SLIT3: variants seen among roughly 807,000 people sequenced by gnomAD.
SLIT3 encodes the protein slit guidance ligand 3.
SLIT3 carries 68 observed loss-of-function variants against 184.0 expected under a neutral mutation model. That is an observed-to-expected ratio of 0.37 (90% confidence interval 0.30 to 0.45). The LOEUF (loss-of-function observed/expected upper bound fraction) is 0.45, where lower values mean the gene tolerates loss of function less well. Ranked by LOEUF, SLIT3 falls within the 20% of genes least tolerant of loss-of-function variation. The pLI is 1.00. For synonymous variants in SLIT3, 831 were observed against 828.6 expected (o/e 1.00, Z -0.05); for missense variants, 1,707 against 2,026.0 (o/e 0.84, Z 3.02).
chr5:169,195,293 C>A (rs572968937), intron 3 of SLIT3, among the ~76,000 whole-genome samples: 2 of 151,992 alleles, frequency 1.3e-5, no homozygotes, highest in South Asian at 2.1e-4. Flanking sequence ...GAGGGATGAG[C>A]GACTAGAAGG....
chr5:169,081,089 G>C (rs1759022492), intron 4 of SLIT3, among the ~76,000 whole-genome samples: 2 of 152,182 alleles, frequency 1.3e-5, no homozygotes, highest in Admixed American at 6.5e-5. Context: ...TGGGGGAACA[G>C]GGAAGGACAG....
chr5:169,185,373 C>T (rs1489537820), intron 4 of SLIT3, among the ~76,000 whole-genome samples: 3 of 152,156 alleles, frequency 2.0e-5, no homozygotes, highest in East Asian at 3.9e-4. Flanking sequence ...CTTGCCGTCC[C>T]CCGGCCTCTG....
At chr5:168,733,942 T>C (rs1321452479) in intron 20 of SLIT3, among the ~76,000 whole-genome samples, 2 of 152,064 alleles carry the variant, frequency 1.3e-5, no homozygotes, top group African/African-American at 4.8e-5. Context: ...AAACAGAAAG[T>C]CAAATACTAT....
chr5:169,057,161 T>C (rs958343842), intron 4 of SLIT3, among the ~76,000 whole-genome samples: 1 of 152,202 alleles, frequency 6.6e-6, no homozygotes, highest in South Asian at 2.1e-4. Flanking sequence ...AGCTCCCACA[T>C]GTGACCTAGG....
intron 4 of SLIT3, among the ~76,000 whole-genome samples, chr5:169,140,308 CAAAAAAAAAAAAA>C (rs10536624): frequency 1.2e-4 from 5 of 42,048 alleles, no homozygotes; most frequent in Non-Finnish European, 1.8e-4. Flanking sequence ...ACTAAAAATG[CAAAAAAAAAAAAA>C]AAAAAAAAAA....
At chr5:168,982,233 T>C (rs890623070) in intron 4 of SLIT3, among the ~76,000 whole-genome samples, 4 of 152,220 alleles carry the variant, frequency 2.6e-5, no homozygotes, top group Non-Finnish European at 5.9e-5. Flanking sequence ...TGTGGCAGTA[T>C]GGAGAGATGG....
chr5:169,267,212 C>T (rs1197640714), intron 1 of SLIT3, among the ~76,000 whole-genome samples: 1 of 152,038 alleles, frequency 6.6e-6, no homozygotes, highest in Non-Finnish European at 1.5e-5. Flanking sequence ...CTGAGAAGTA[C>T]CAAATGAACA....
At position 168,755,397 on chromosome 5, in the gene SLIT3, C is replaced by CTTTCT. The variant is rs1561913264; in HGVS notation, c.1686-1395_1686-1391dup. The stretch of plus-strand genomic sequence containing the variant: ...AAACCCTCAGTGCCGCCATTTCTTT[C>CTTTCT]TTTCTTTCTTTCTTTCTTTCTTTCT... On this transcript the variant is annotated intron_variant, in intron 16 of 35. Transcript: ENST00000519560. Among the ~76,000 whole-genome samples, 4 of 14,798 alleles carry CTTTCT rather than the reference C, an allele frequency of 2.7e-4. No individual in the cohort carries two copies. In the African/African-American group the frequency reaches 3.3e-3, roughly 12 times the overall value. The allele number at this position is 14,798 out of a possible 152,430, so 9.7% of individuals were successfully genotyped here. A position where few individuals can be genotyped will look rare whatever the true frequency, so the allele number is the denominator to read the frequency against.
At chr5:168,820,656 C>T (rs1757500167) in intron 7 of SLIT3, among the ~76,000 whole-genome samples, 1 of 152,202 alleles carries the variant, frequency 6.6e-6, no homozygotes, top group South Asian at 2.1e-4. Flanking sequence ...ACCGAGGTGG[C>T]TAGGTGGGTC....
Position 168,817,281 on chromosome 5 carries a change from G to A in SLIT3, c.793+19C>T, listed in dbSNP as rs750260200. ...GTGGGTCATAGCACAGGAGGGGAGA[G>A]CAGGTAAAGCATCCTCACCTGGGCA... On this transcript the variant is annotated intron_variant, in intron 8 of 35. Coordinates refer to ENST00000519560, the MANE Select transcript of SLIT3 (RefSeq NM_003062.4). 5.6e-6 allele frequency: 9 copies of A among 1,611,234 alleles called. No individual in the cohort carries two copies. Among genetic ancestry groups the A allele is most frequent in the African/African-American group, 1.3e-5 (1 of 74,966 alleles).
chr5:169,229,909 T>C (rs1764940019), intron 3 of SLIT3, among the ~76,000 whole-genome samples: 1 of 152,084 alleles, frequency 6.6e-6, no homozygotes, highest in African/African-American at 2.4e-5. Flanking sequence ...AAATTCGAGG[T>C]GCCGAAGATC....
intron 4 of SLIT3, among the ~76,000 whole-genome samples, chr5:169,126,233 A>G (rs571074831): frequency 2.6e-5 from 4 of 152,272 alleles, no homozygotes; most frequent in Non-Finnish European, 5.9e-5. Context: ...TAGACATCCT[A>G]TTTATGTTCT....
At chr5:168,858,196 G>A (rs907227785) in intron 5 of SLIT3, among the ~76,000 whole-genome samples, 5 of 152,226 alleles carry the variant, frequency 3.3e-5, no homozygotes, top group Non-Finnish European at 7.3e-5. Flanking sequence ...CTCTGAAGGA[G>A]GAAGAGGAGA....
At chr5:169,164,930 C>A (rs1762587098) in intron 4 of SLIT3, among the ~76,000 whole-genome samples, 1 of 152,250 alleles carries the variant, frequency 6.6e-6, no homozygotes, top group Admixed American at 6.5e-5. Context: ...GATGCCTGGG[C>A]TTCAGGCCCA....
chr5:169,180,963 C>G (rs1429466671), intron 4 of SLIT3, among the ~76,000 whole-genome samples: 1 of 152,158 alleles, frequency 6.6e-6, no homozygotes, highest in African/African-American at 2.4e-5. Context: ...CCATGCACAT[C>G]TCTTCCAGGG....
chr5:168,690,273 A>C (rs1349245480), intron 29 of SLIT3, among the ~76,000 whole-genome samples: 1 of 151,566 alleles, frequency 6.6e-6, no homozygotes, highest in Non-Finnish European at 1.5e-5. Flanking sequence ...AGTAGCTGGG[A>C]TTGCAGGAGT....
intron 5 of SLIT3, among the ~76,000 whole-genome samples, chr5:168,873,536 C>T (rs1259517443): frequency 1.3e-5 from 2 of 151,914 alleles, no homozygotes; most frequent in African/African-American, 2.4e-5. Context: ...GAGGCTGAGG[C>T]AGAAGATCGC....
intron 3 of SLIT3, among the ~76,000 whole-genome samples, chr5:169,239,346 T>G (rs1473091488): frequency 6.6e-6 from 1 of 152,192 alleles, no homozygotes; most frequent in Non-Finnish European, 1.5e-5. Flanking sequence ...TTATGCTGGC[T>G]AAATAGACAA....
intron 16 of SLIT3, among the ~76,000 whole-genome samples, chr5:168,759,502 T>C (rs915248765): frequency 3.3e-5 from 5 of 152,180 alleles, no homozygotes; most frequent in Non-Finnish European, 7.3e-5. Context: ...TTCGGCAGTA[T>C]GTCTGGGGGG....
Sources: allele counts gnomAD v4.1 joint callset (sites outside exome capture counted in the v4.1 genomes callset), GRCh38; gene constraint gnomAD v4.1.1; transcripts MANE v1.5; gene names NCBI Gene and HGNC (gene_info 2026-07-23, HGNC 2026-07-21).